Variants in PCDH7 observed in about 807,000 individuals in gnomAD.
The protein encoded by PCDH7 is protocadherin-7.
PCDH7 carries 17 observed loss-of-function variants against 58.9 expected under a neutral mutation model. The observed-to-expected ratio is 0.29, with a 90% CI of 0.20 to 0.43. PCDH7 has a LOEUF of 0.43. Among genes scored for constraint, PCDH7 ranks in the 20% least tolerant of loss-of-function variants. The probability of loss-of-function intolerance (pLI) is 1.00; values close to 1 mark genes in which losing one functional copy is unlikely to be tolerated. For synonymous variants in PCDH7, 664 were observed against 616.4 expected, an observed-to-expected ratio of 1.08 and a Z score of -1.14; for missense variants, 1,274 against 1,441.0, an observed-to-expected ratio of 0.88 and a Z score of 1.88.
At chr4:30,872,759 G>A (rs1271676128) in intron 1 of PCDH7, among the ~76,000 whole-genome samples, 2 of 152,014 alleles carry the variant, frequency 1.3e-5, no homozygotes, top group African/African-American at 2.4e-5. Context: ...CAAATTAGAC[G>A]AGAACAGTAT....
intron 1 of PCDH7, among the ~76,000 whole-genome samples, chr4:30,809,416 C>T (rs1726688593): frequency 1.3e-5 from 2 of 152,052 alleles, no homozygotes; most frequent in Non-Finnish European, 2.9e-5. Context: ...AACTGTATCT[C>T]TCTGAGAGTC....
intron 3 of PCDH7, among the ~76,000 whole-genome samples, chr4:31,103,733 C>T (rs1715194304): frequency 6.6e-6 from 1 of 152,166 alleles, no homozygotes; most frequent in Admixed American, 6.5e-5. Context: ...CTATTCCATT[C>T]CCCTCTATGA....
intron 1 of PCDH7, among the ~76,000 whole-genome samples, chr4:30,784,168 C>G (rs1723124973): frequency 6.6e-6 from 1 of 152,162 alleles, no homozygotes; most frequent in Non-Finnish European, 1.5e-5. Context: ...CAAATCAAAA[C>G]CAACACATTC....
intron 1 of PCDH7, among the ~76,000 whole-genome samples, chr4:30,916,394 TC>T (rs1469049380): frequency 6.6e-6 from 1 of 152,216 alleles, no homozygotes; most frequent in Non-Finnish European, 1.5e-5. Flanking sequence ...TCTTTGATTT[TC>T]ACTCTCTTGT....
At chr4:31,023,016 G>A (rs897633488) in intron 3 of PCDH7, among the ~76,000 whole-genome samples, 4 of 152,166 alleles carry the variant, frequency 2.6e-5, no homozygotes, top group Admixed American at 6.5e-5. Context: ...TCAGAACAAG[G>A]GGATTGCGTT....
At chr4:30,848,888 A>G (rs1289916633) in intron 1 of PCDH7, among the ~76,000 whole-genome samples, 1 of 152,086 alleles carries the variant, frequency 6.6e-6, no homozygotes, top group Non-Finnish European at 1.5e-5. Context: ...CTTTGGAAAT[A>G]CTATTTTCTT....
Position 30,722,514 on chromosome 4 carries a change from C to T in PCDH7, c.1092C>T (p.Ser364=). The change falls in exon 1 of 2, where the codon TCC becomes TCT. Residue 364 remains serine (S), a synonymous_variant. Coordinates refer to ENST00000361762, the Ensembl canonical transcript of PCDH7. This position sits in a 1 kb window ranked among gnomAD's most constrained non-coding sequence, Gnocchi z 7.6. The stretch of plus-strand genomic sequence containing the variant: ...GGCTGCTGCGCCTTGACGAGACGTC[C>T]GGCTGGCTCAGCGTCCTGCACCGGA... The T allele has an allele frequency of 1.9e-6, 3 of 1,610,204 alleles. No individual in the cohort carries two copies. The highest frequency in any genetic ancestry group is 1.3e-5 in the African/African-American group (1 of 74,938).
intron 2 of PCDH7, among the ~76,000 whole-genome samples, chr4:30,940,473 A>G (rs756037032): frequency 2.6e-5 from 4 of 152,112 alleles, no homozygotes; most frequent in Non-Finnish European, 5.9e-5. Flanking sequence ...GCAAACCAAA[A>G]TAATACACTA....
At chr4:30,727,658 G>C (rs528500743) in intron 1 of PCDH7, among the ~76,000 whole-genome samples, 3 of 151,924 alleles carry the variant, frequency 2.0e-5, no homozygotes, top group African/African-American at 4.8e-5. Context: ...TTCTTCCTTG[G>C]TAAACCTGGT....
Position 30,948,319 on chromosome 4 carries a change from A to T in PCDH7, c.288-1801A>T, listed in dbSNP as rs571531058. Among the ~76,000 whole-genome samples the T allele has an allele frequency of 4.0e-5, 6 of 151,528 alleles. No homozygotes were observed. The South Asian group carries it at 1.3e-3, about 32-fold the overall frequency. ...AAAAAAAAAAGCTATATTTCATGCT[A>T]GATGCAAGATCTGGCCACAAATTAA... On this transcript the variant is annotated intron_variant, in intron 2 of 3. Coordinates refer to the PCDH7 transcript ENST00000509759.
At chr4:31,065,668 C>T (rs1383882337) in intron 3 of PCDH7, among the ~76,000 whole-genome samples, 4 of 151,924 alleles carry the variant, frequency 2.6e-5, no homozygotes, top group Non-Finnish European at 4.4e-5. Flanking sequence ...AAGTCTTAAA[C>T]GTCTTGTCTC....
rs150304506 is a variant in PCDH7, at chr4:30,748,662, C to T, written c.70+24066C>T. Among the ~76,000 whole-genome samples the T allele has an allele frequency of 3.8e-3, 573 of 152,210 alleles. 1 individual carries two copies. Among genetic ancestry groups the T allele is most frequent in the Middle Eastern group, 0.014 (4 of 294 alleles). On this transcript the variant is annotated intron_variant, in intron 1 of 3. Transcript: ENST00000509759. ...CAATGGCAATTAAGTTTTTGATATACGAATTTTGGGGCGACACATTCAAAC... is the reference window on the plus strand; with the variant it reads ...CAATGGCAATTAAGTTTTTGATATATGAATTTTGGGGCGACACATTCAAAC...
chr4:30,784,038 A>T (rs781086922), intron 1 of PCDH7, among the ~76,000 whole-genome samples: 1 of 152,144 alleles, frequency 6.6e-6, no homozygotes, highest in African/African-American at 2.4e-5. Flanking sequence ...GGCCATGTCT[A>T]TACAACTTCA....
At chr4:31,056,042 T>A (rs747094278) in intron 3 of PCDH7, among the ~76,000 whole-genome samples, 1 of 152,118 alleles carries the variant, frequency 6.6e-6, no homozygotes, top group Non-Finnish European at 1.5e-5. Context: ...GTTTTCCCTT[T>A]AAGACTAAGA....
intron 3 of PCDH7, among the ~76,000 whole-genome samples, chr4:31,052,985 G>A (rs1036359284): frequency 5.3e-5 from 8 of 151,190 alleles, no homozygotes; most frequent in South Asian, 2.1e-4. Context: ...CTATCTATTC[G>A]TCACGAGTCA....
intron 2 of PCDH7, among the ~76,000 whole-genome samples, chr4:30,932,197 G>C (rs1744690701): frequency 6.6e-6 from 1 of 152,134 alleles, no homozygotes; most frequent in African/African-American, 2.4e-5. Flanking sequence ...ATCTGAATGA[G>C]AAATAAATTC....
At chr4:31,085,322 A>G (rs978578164) in intron 3 of PCDH7, among the ~76,000 whole-genome samples, 17 of 152,080 alleles carry the variant, frequency 1.1e-4, no homozygotes, top group Non-Finnish European at 2.2e-4. Context: ...CACTGATCCT[A>G]GGAGGAGTTT....
intron 1 of PCDH7, among the ~76,000 whole-genome samples, chr4:30,880,251 A>G (rs768461120): frequency 6.6e-6 from 1 of 151,612 alleles, no homozygotes; most frequent in Non-Finnish European, 1.5e-5. Context: ...GTAAGTGGTC[A>G]TTATCCATAG....
intron 1 of PCDH7, among the ~76,000 whole-genome samples, chr4:30,738,942 C>T (rs1189166128): frequency 2.0e-5 from 3 of 151,932 alleles, no homozygotes; most frequent in Non-Finnish European, 4.4e-5. Flanking sequence ...GCTGGTACCA[C>T]GCTCTGAGTG....
Sources: allele counts gnomAD v4.1 joint callset (sites outside exome capture counted in the v4.1 genomes callset), GRCh38; gene constraint gnomAD v4.1.1; non-coding constraint Gnocchi (gnomAD v3.1); transcripts MANE v1.5; gene names NCBI Gene and HGNC (gene_info 2026-07-23, HGNC 2026-07-21).